Variants in DPP6 observed in about 807,000 individuals in gnomAD.
DPP6 encodes dipeptidyl peptidase like 6.
In DPP6, 69 loss-of-function variants were observed where a neutral mutation model predicts 122.6. That is an observed-to-expected ratio of 0.56 (90% CI 0.46 to 0.69). The LOEUF (loss-of-function observed/expected upper bound fraction) is 0.69. Ranked by LOEUF, DPP6 falls within the 30% of genes least tolerant of loss-of-function variation. The probability of loss-of-function intolerance (pLI) is 0.00; values close to 1 mark genes in which losing one functional copy is unlikely to be tolerated. For missense variants in DPP6, 928 were observed against 1,116.9 expected, an observed-to-expected ratio of 0.83 and a Z score of 2.41; for synonymous variants, 418 against 433.1, an observed-to-expected ratio of 0.97 and a Z score of 0.43.
intron 5 of DPP6, among the ~76,000 whole-genome samples, chr7:154,582,385 A>T (rs770969862): frequency 2.1e-4 from 32 of 152,204 alleles, no homozygotes; most frequent in Non-Finnish European, 4.7e-4. Context: ...GGCTCCATTT[A>T]TCTGACCCAT....
At chr7:154,853,686 T>C in intron 16 of DPP6, 94 bp from the exon 17 acceptor site, 1 of 1,541,586 alleles carries the variant, frequency 6.5e-7, no homozygotes, top group Non-Finnish European at 8.8e-7. Flanking sequence ...CGCACGTCTA[T>C]CTACGTGGCA....
chr7:153,877,367 GAC>G, the DPP6 span, among the ~76,000 whole-genome samples: 2 of 151,808 alleles, frequency 1.3e-5, no homozygotes, highest in East Asian at 1.9e-4. Flanking sequence ...TAAAAATTAA[GAC>G]ACACACACAA....
the DPP6 span, among the ~76,000 whole-genome samples, chr7:153,749,029 G>A: frequency 6.6e-6 from 1 of 152,154 alleles, no homozygotes; most frequent in Non-Finnish European, 1.5e-5. The surrounding 1 kb of genome is among the most constrained non-coding windows in gnomAD (Gnocchi z 4.1). Flanking sequence ...AGCGACGGAG[G>A]GGGCTTGTGC....
chr7:154,729,951 G>A (rs10273673), intron 8 of DPP6, among the ~76,000 whole-genome samples: 10,396 of 152,212 alleles, frequency 0.068, 877 homozygotes, highest in African/African-American at 0.2. Context: ...TGGTGTGCCC[G>A]GAGATGTCCC....
intron 7 of DPP6, among the ~76,000 whole-genome samples, chr7:154,717,611 A>G (rs1471988063): frequency 1.3e-5 from 2 of 152,172 alleles, no homozygotes; most frequent in Admixed American, 6.5e-5. Context: ...TTCCTTGTAT[A>G]CATGCATACC....
chr7:154,615,578 G>A (rs917570433), intron 5 of DPP6, among the ~76,000 whole-genome samples: 6 of 152,098 alleles, frequency 3.9e-5, no homozygotes, highest in African/African-American at 9.7e-5. Context: ...CATTCACAAC[G>A]TTGTATAACC....
At chr7:153,895,361 G>A (rs1263689325) in intron 1 of DPP6, among the ~76,000 whole-genome samples, 2 of 152,124 alleles carry the variant, frequency 1.3e-5, no homozygotes, top group Admixed American at 6.5e-5. Context: ...CTCATGTGTC[G>A]AATAAGGAAA....
chr7:154,584,830 C>T lies in DPP6; in HGVS notation c.627+17914C>T, dbSNP rs577798111. 9.2e-5 allele frequency among the ~76,000 whole-genome samples: 14 copies of T among 152,318 alleles called. No homozygotes were observed. In the East Asian group the frequency reaches 1.4e-3, roughly 15 times the overall value. On this transcript the variant is annotated intron_variant, in intron 5 of 25. Coordinates refer to ENST00000377770, the MANE Select transcript of DPP6 (RefSeq NM_130797.4). ...ATGCACAAAGCCTGCCTCTAGTGGACGATCCTGTGCTATTCATCGGCCTCT... is the reference window on the plus strand; with the variant it reads ...ATGCACAAAGCCTGCCTCTAGTGGATGATCCTGTGCTATTCATCGGCCTCT...
At chr7:154,636,378 G>GGCCC (rs1835727222) in intron 5 of DPP6, among the ~76,000 whole-genome samples, 1 of 152,152 alleles carries the variant, frequency 6.6e-6, no homozygotes, top group South Asian at 2.1e-4. Flanking sequence ...GCCAGCACCA[G>GGCCC]GCCCTTCCTT....
In DPP6 at chr7:154,737,612, G is replaced by T. The variant is rs1318986351; in HGVS notation, c.883+9725G>T. 2.0e-5 allele frequency among the ~76,000 whole-genome samples: 3 copies of T among 152,280 alleles called. No individual in the cohort carries two copies. In the East Asian group the frequency reaches 5.8e-4, roughly 29 times the overall value. ...TGCACAGCTGTGGAAACTATTAAGT[G>T]GCCTTTCTGTGGACAAACAACCAGT... On this transcript the variant is annotated intron_variant, in intron 8 of 25. Transcript: ENST00000377770.
At chr7:154,459,321 A>G (rs1320998536) in intron 2 of DPP6, among the ~76,000 whole-genome samples, 1 of 152,104 alleles carries the variant, frequency 6.6e-6, no homozygotes, top group Non-Finnish European at 1.5e-5. Context: ...TCCACCCATT[A>G]TTTCCCTATT....
rs1421582761 is a variant in DPP6, at chr7:154,755,502, A to C, written c.884-13915A>C. On this transcript the variant is annotated intron_variant, in intron 8 of 25. Transcript: ENST00000377770. This position sits in a 1 kb window ranked among gnomAD's most constrained non-coding sequence, Gnocchi z 4.7. ...TTTTTCCCTTAGTTCCCTTAAGGGA[A>C]AAAATAAAGATAATAATAGTGTCTA... Among the ~76,000 whole-genome samples the C allele has an allele frequency of 6.6e-6, 1 of 152,162 alleles. No individual in the cohort carries two copies. The highest frequency in any genetic ancestry group is 2.4e-5 in the African/African-American group (1 of 41,436).
At chr7:153,867,207 G>A in the DPP6 span, among the ~76,000 whole-genome samples, 1 of 152,136 alleles carries the variant, frequency 6.6e-6, no homozygotes, top group Non-Finnish European at 1.5e-5. Context: ...GTAGCTTGAG[G>A]GGGATGGCAT....
chr7:153,964,913 C>CCTTT (rs66803093), intron 1 of DPP6, among the ~76,000 whole-genome samples: 24,187 of 113,288 alleles, frequency 0.21, 3,163 homozygotes, highest in Non-Finnish European at 0.23. Flanking sequence ...CTTTTCTTTT[C>CCTTT]CTTTCTTTCT....
At chr7:154,418,799 G>A (rs986707412) in intron 1 of DPP6, among the ~76,000 whole-genome samples, 2 of 152,168 alleles carry the variant, frequency 1.3e-5, no homozygotes, top group Non-Finnish European at 2.9e-5. Flanking sequence ...CATCAAACAA[G>A]TATCTCTACC....
intron 7 of DPP6, among the ~76,000 whole-genome samples, chr7:154,682,471 C>T (rs1469606265): frequency 6.6e-6 from 1 of 152,236 alleles, no homozygotes; most frequent in East Asian, 1.9e-4. Context: ...CTCACGCACT[C>T]TCCGGTTTGA....
At chr7:154,162,469 T>C (rs1797031409) in intron 1 of DPP6, among the ~76,000 whole-genome samples, 1 of 152,260 alleles carries the variant, frequency 6.6e-6, no homozygotes, top group Non-Finnish European at 1.5e-5. Context: ...AAAATTAGAC[T>C]GCAGCTACAG....
intron 1 of DPP6, among the ~76,000 whole-genome samples, chr7:154,155,211 T>A (rs1796619809): frequency 6.6e-6 from 1 of 152,176 alleles, no homozygotes; most frequent in Non-Finnish European, 1.5e-5. Flanking sequence ...CCCATCCCAG[T>A]GGGGATCCAA....
chr7:154,694,184 C>T (rs1420584168), intron 7 of DPP6, among the ~76,000 whole-genome samples: 4 of 152,128 alleles, frequency 2.6e-5, no homozygotes, highest in African/African-American at 4.8e-5. Context: ...GCACTAATCT[C>T]ATTCGTGAGC....
Sources: allele counts gnomAD v4.1 joint callset (sites outside exome capture counted in the v4.1 genomes callset), GRCh38; gene constraint gnomAD v4.1.1; non-coding constraint Gnocchi (gnomAD v3.1); transcripts MANE v1.5; gene names NCBI Gene and HGNC (gene_info 2026-07-23, HGNC 2026-07-21).